Variants in SMARCA4 observed in about 807,000 individuals in gnomAD.
SMARCA4 encodes SWI/SNF-related matrix-associated actin-dependent regulator of chromatin subfamily A member 4.
SMARCA4 carries 31 observed loss-of-function variants against 193.9 expected under a neutral mutation model. The ratio of observed to expected loss-of-function variants is 0.16; its 90% CI spans 0.12 to 0.22. The LOEUF (loss-of-function observed/expected upper bound fraction) is 0.22. Among genes scored for constraint, SMARCA4 ranks in the 10% least tolerant of loss-of-function variants. The pLI is 1.00. For missense variants in SMARCA4, 1,148 were observed against 2,296.0 expected (o/e 0.50, Z 10.22); for synonymous variants, 942 against 933.1 (o/e 1.01, Z -0.17).
chr19:10,981,801 TAGAG>T (rs2085571418), intron 1 of SMARCA4, among the ~76,000 whole-genome samples: 3 of 151,536 alleles, frequency 2.0e-5, no homozygotes, highest in South Asian at 2.1e-4. Flanking sequence ...CTGGGCAACA[TAGAG>T]AGACCCCTGT....
At chr19:11,043,001 G>A (rs571620875) in intron 30 of SMARCA4, among the ~76,000 whole-genome samples, 3 of 151,798 alleles carry the variant, frequency 2.0e-5, no homozygotes, top group South Asian at 2.1e-4. Flanking sequence ...GCTTAAAAAG[G>A]TTCTTTTAGC....
At chr19:10,963,922 G>A (rs938270083) in intron 1 of SMARCA4, among the ~76,000 whole-genome samples, 10 of 152,068 alleles carry the variant, frequency 6.6e-5, no homozygotes, top group Non-Finnish European at 5.9e-5. Flanking sequence ...GTGACGAAGC[G>A]AGACCCTGTC....
intron 13 of SMARCA4, among the ~76,000 whole-genome samples, chr19:11,004,262 T>A (rs2087955308): frequency 6.6e-6 from 1 of 151,008 alleles, no homozygotes; most frequent in Non-Finnish European, 1.5e-5. Context: ...GATTTTTTTT[T>A]TTTTTGAGAC....
chr19:11,029,210 C>G (rs2090471853), intron 24 of SMARCA4, among the ~76,000 whole-genome samples: 1 of 152,238 alleles, frequency 6.6e-6, no homozygotes, highest in African/African-American at 2.4e-5. Flanking sequence ...CCACCCTTTC[C>G]TCTCCTACGG....
intron 20 of SMARCA4, 67 bp from the exon 21 acceptor site, chr19:11,024,264 G>A (rs1227866713): frequency 9.1e-7 from 1 of 1,099,982 alleles, no homozygotes; most frequent in Non-Finnish European, 1.4e-6. Flanking sequence ...TCAGAGCTGG[G>A]TTCGGATGGG....
chr19:11,035,689 G>A (rs1002814857), intron 29 of SMARCA4, among the ~76,000 whole-genome samples: 1 of 152,238 alleles, frequency 6.6e-6, no homozygotes, highest in East Asian at 1.9e-4. Flanking sequence ...GTGAGGGCCC[G>A]TTCTCAGCAG....
intron 1 of SMARCA4, among the ~76,000 whole-genome samples, chr19:10,971,567 T>C (rs1386413854): frequency 6.6e-6 from 1 of 150,822 alleles, no homozygotes; most frequent in Non-Finnish European, 1.5e-5. Flanking sequence ...CAATCATAGC[T>C]CATGGCAGTC....
intron 29 of SMARCA4, among the ~76,000 whole-genome samples, chr19:11,036,087 G>T (rs1273755125): frequency 1.3e-5 from 2 of 152,210 alleles, no homozygotes; most frequent in African/African-American, 4.8e-5. Flanking sequence ...GAGCTTGCCT[G>T]CCAAGCTGTG....
At chr19:11,008,670 A>T (rs1352088271) in intron 14 of SMARCA4, among the ~76,000 whole-genome samples, 1 of 152,130 alleles carries the variant, frequency 6.6e-6, no homozygotes, top group African/African-American at 2.4e-5. Context: ...GAATTAATAG[A>T]TCCTGTTAAA....
At chr19:10,991,423 G>A in intron 8 of SMARCA4, 100 bp downstream of exon 8, 2 of 1,525,306 alleles carry the variant, frequency 1.3e-6, no homozygotes, top group Non-Finnish European at 1.8e-6. Flanking sequence ...TCCTAAACAT[G>A]CTGCTTGTCT....
chr19:11,022,580 C>T (rs1663841030), intron 19 of SMARCA4, among the ~76,000 whole-genome samples: 1 of 152,314 alleles, frequency 6.6e-6, no homozygotes, highest in East Asian at 1.9e-4. Flanking sequence ...GTGTTTCCTG[C>T]TGAGGGGTTT....
chr19:11,045,768 T>C (rs972025638), intron 30 of SMARCA4, among the ~76,000 whole-genome samples: 9 of 152,140 alleles, frequency 5.9e-5, no homozygotes, highest in African/African-American at 1.9e-4. Context: ...TTTGTAAGAT[T>C]TGATGATAAA....
intron 11 of SMARCA4, among the ~76,000 whole-genome samples, chr19:10,997,052 C>T (rs2087129996): frequency 6.6e-6 from 1 of 151,324 alleles, no homozygotes; most frequent in Non-Finnish European, 1.5e-5. Flanking sequence ...TGGAGTTTTG[C>T]TCTTTTGCCC....
chr19:10,991,011 C>T (rs2145873658), intron 7 of SMARCA4, 139 bp from the exon 8 acceptor site: 3 of 1,407,956 alleles, frequency 2.1e-6, no homozygotes, highest in Non-Finnish European at 2.9e-6. Context: ...CTAGACGTCC[C>T]CTGCACACAC....
chr19:11,046,948 CAAAAAAAAAA>C (rs35450843), intron 30 of SMARCA4, among the ~76,000 whole-genome samples: 2 of 91,850 alleles, frequency 2.2e-5, no homozygotes, highest in Admixed American at 1.2e-4. Context: ...GACCCTGTTG[CAAAAAAAAAA>C]AAAAAAAAAG....
At chr19:10,995,966 C>A in intron 9 of SMARCA4, 1 of 586,742 alleles carries the variant, frequency 1.7e-6, no homozygotes. Flanking sequence ...GTAGGACTGG[C>A]TCATGGCCTC....
At chr19:11,061,664 C>A (rs1026778920) in intron 34 of SMARCA4, 120 bp from the exon 35 acceptor site, 2 of 993,428 alleles carry the variant, frequency 2.0e-6, no homozygotes, top group Non-Finnish European at 3.2e-6. Flanking sequence ...GCGTGAGCCA[C>A]CGTGCCCGGC....
chr19:11,035,525 TTGCACTGCTGGC>T (rs1311288215), intron 29 of SMARCA4, among the ~76,000 whole-genome samples: 2 of 152,202 alleles, frequency 1.3e-5, no homozygotes, highest in East Asian at 3.9e-4. Flanking sequence ...CTGCAAAGCG[TTGCACTGCTGGC>T]TGCAGGCAGC....
intron 34 of SMARCA4, among the ~76,000 whole-genome samples, chr19:11,061,364 G>A (rs961614669): frequency 3.3e-5 from 5 of 151,408 alleles, no homozygotes; most frequent in African/African-American, 7.3e-5. Context: ...AGCCTCGAAG[G>A]TCCCGAGAGG....
Sources: gnomAD v4.1 joint callset for allele counts (sites outside exome capture counted in the v4.1 genomes callset) on GRCh38, gnomAD v4.1.1 for gene constraint, MANE v1.5 for transcripts, NCBI Gene and HGNC (gene_info 2026-07-23, HGNC 2026-07-21) for gene names.